The following C8A variants were observed in gnomAD, a reference collection of about 807,000 sequenced individuals.
The protein encoded by C8A is complement C8 alpha chain.
A neutral mutation model predicts 65.3 loss-of-function variants in C8A; 67 were observed. That is an observed-to-expected ratio of 1.03 (90% CI 0.84 to 1.26). The LOEUF (loss-of-function observed/expected upper bound fraction) is 1.26, where lower values mean the gene tolerates loss of function less well. Among genes scored for constraint, C8A ranks in the 50% most tolerant of loss-of-function variants. The probability of loss-of-function intolerance (pLI) is 0.00; values close to 1 mark genes in which losing one functional copy is unlikely to be tolerated. For synonymous variants in C8A, 290 were observed against 259.4 expected (o/e 1.12, Z -1.13); for missense variants, 781 against 723.9 (o/e 1.08, Z -0.90).
At chr1:56,885,329 AATATATATTTAC>A (rs1644283408) in intron 6 of C8A, among the ~76,000 whole-genome samples, 2 of 124,290 alleles carry the variant, frequency 1.6e-5, no homozygotes, top group African/African-American at 3.8e-5. Flanking sequence ...TATTTATTTA[AATATATATTTAC>A]ATAAATATAT....
chr1:56,912,703 C>T lies in C8A; in HGVS notation c.1603+78C>T, dbSNP rs1029322292. The T allele has an allele frequency of 1.1e-5, 14 of 1,315,598 alleles. No homozygotes were observed. The African/African-American group carries it at 2.0e-4, about 19-fold the overall frequency. 81.5% of individuals were successfully genotyped at this position (1,315,598 alleles called of 1,614,324 possible). On this transcript the variant is annotated intron_variant, in intron 10 of 10. Coordinates refer to ENST00000361249, the MANE Select transcript of C8A (RefSeq NM_000562.3). ...CAGTGCAAAAAGGACTTTTGGGGTT[C>T]CCGGCCCCTCCTTTTGGAGCTCTCC...
intron 1 of C8A, among the ~76,000 whole-genome samples, chr1:56,866,499 A>G (rs772271190): frequency 2.0e-5 from 3 of 152,238 alleles, no homozygotes; most frequent in African/African-American, 7.2e-5. Flanking sequence ...GAACTATTCC[A>G]TGGCTCCTTG....
chr1:56,885,676 C>G (rs570532832), intron 6 of C8A, among the ~76,000 whole-genome samples: 1 of 150,784 alleles, frequency 6.6e-6, no homozygotes, highest in African/African-American at 2.4e-5. Flanking sequence ...CTCAGCTTCC[C>G]GAGTAGCTGG....
intron 7 of C8A, among the ~76,000 whole-genome samples, chr1:56,905,181 AG>A (rs1234138072): frequency 6.6e-6 from 1 of 152,228 alleles, no homozygotes; most frequent in Non-Finnish European, 1.5e-5. Flanking sequence ...CGGTGCTCAG[AG>A]CATCACTTTC....
At chr1:56,896,908 T>C (rs897362651) in intron 7 of C8A, among the ~76,000 whole-genome samples, 6 of 152,180 alleles carry the variant, frequency 3.9e-5, no homozygotes, top group Non-Finnish European at 8.8e-5. Context: ...TATCCAAGCC[T>C]TGTGGCAACC....
intron 7 of C8A, among the ~76,000 whole-genome samples, chr1:56,906,384 A>T (rs1396978290): frequency 6.6e-6 from 1 of 152,118 alleles, no homozygotes; most frequent in Non-Finnish European, 1.5e-5. Flanking sequence ...ATGAGATAGA[A>T]TTATTGCCTC....
chr1:56,874,832 G>T, intron 2 of C8A, 117 bp from the exon 3 acceptor site: 1 of 1,108,584 alleles, frequency 9.0e-7, no homozygotes, highest in African/African-American at 1.5e-5. Context: ...AGCTTCACAG[G>T]CAGGTCTCAA....
chr1:56,901,568 G>A (rs1337638965), intron 7 of C8A, among the ~76,000 whole-genome samples: 1 of 152,108 alleles, frequency 6.6e-6, no homozygotes, highest in Non-Finnish European at 1.5e-5. Flanking sequence ...CTCACCTTGA[G>A]ACCAGACTAG....
chr1:56,889,168 A>C lies in C8A; in HGVS notation c.1096+3001A>C, dbSNP rs190247182. Among the ~76,000 whole-genome samples the C allele has an allele frequency of 7.2e-5, 11 of 152,288 alleles. No homozygotes were observed. The East Asian group carries it at 1.9e-3, about 27-fold the overall frequency. On this transcript the variant is annotated intron_variant, in intron 7 of 10. Transcript: ENST00000361249. ...TAGAAAACCATATGTCGATAATAGC[A>C]CAATTTGCTATTTGTGAAGAGCTGA...
intron 1 of C8A, among the ~76,000 whole-genome samples, chr1:56,860,711 A>G (rs1393110912): frequency 6.6e-6 from 1 of 152,204 alleles, no homozygotes; most frequent in South Asian, 2.1e-4. Flanking sequence ...ACAGAACTAC[A>G]GAGGACTAGT....
chr1:56,876,006 T>C, intron 3 of C8A, 56 bp from the exon 4 acceptor site: 1 of 1,593,300 alleles, frequency 6.3e-7, no homozygotes, highest in Non-Finnish European at 8.6e-7. Flanking sequence ...TGATTGTGGG[T>C]GTGAGTCTGG....
intron 7 of C8A, among the ~76,000 whole-genome samples, chr1:56,889,843 C>G (rs1350851724): frequency 6.6e-6 from 1 of 152,028 alleles, no homozygotes; most frequent in African/African-American, 2.4e-5. Context: ...AGCATGAAAC[C>G]ATGCATCAAA....
chr1:56,897,450 T>C (rs967388689), intron 7 of C8A, among the ~76,000 whole-genome samples: 9 of 152,148 alleles, frequency 5.9e-5, no homozygotes, highest in Non-Finnish European at 1.2e-4. Flanking sequence ...GAGTTGAAGA[T>C]TGGAACACAA....
chr1:56,907,761 A>G (rs1644477164), intron 8 of C8A, among the ~76,000 whole-genome samples, 195 bp from the exon 9 acceptor site: 1 of 152,174 alleles, frequency 6.6e-6, no homozygotes, highest in Non-Finnish European at 1.5e-5. Flanking sequence ...TCTCCACTCC[A>G]GAGGATGGGT....
intron 7 of C8A, among the ~76,000 whole-genome samples, chr1:56,889,887 C>T (rs750293694): frequency 6.6e-6 from 1 of 152,078 alleles, no homozygotes; most frequent in Non-Finnish European, 1.5e-5. Flanking sequence ...AGGGAGGTGA[C>T]GTTAGACTTC....
intron 2 of C8A, among the ~76,000 whole-genome samples, chr1:56,873,373 C>G (rs1269654494): frequency 2.0e-5 from 3 of 152,142 alleles, no homozygotes; most frequent in African/African-American, 7.2e-5. Context: ...GCCATTACAC[C>G]CATTTCACAC....
At chr1:56,879,877 G>A (rs569728180) in intron 4 of C8A, among the ~76,000 whole-genome samples, 15 of 152,184 alleles carry the variant, frequency 9.9e-5, no homozygotes, top group African/African-American at 3.4e-4. Flanking sequence ...GGTTTTATTC[G>A]CAGTTTATCC....
At chr1:56,877,070 G>A (rs977475256) in intron 4 of C8A, among the ~76,000 whole-genome samples, 5 of 152,138 alleles carry the variant, frequency 3.3e-5, no homozygotes, top group Non-Finnish European at 5.9e-5. Context: ...ATATACCAGC[G>A]ATCTCTCTCT....
At chr1:56,910,961 A>G (rs1267166391) in intron 9 of C8A, among the ~76,000 whole-genome samples, 1 of 151,898 alleles carries the variant, frequency 6.6e-6, no homozygotes. Flanking sequence ...TCTCCTTAAA[A>G]TGAGAGATCT....
Sources: allele counts gnomAD v4.1 joint callset (sites outside exome capture counted in the v4.1 genomes callset), GRCh38; gene constraint gnomAD v4.1.1; transcripts MANE v1.5; gene names NCBI Gene and HGNC (gene_info 2026-07-23, HGNC 2026-07-21).